KIAA1217: variants seen among roughly 807,000 people sequenced by gnomAD.
The protein encoded by KIAA1217 is KIAA1217.
A neutral mutation model predicts 163.9 loss-of-function variants in KIAA1217; 88 were observed. The ratio of observed to expected loss-of-function variants is 0.54; its 90% CI spans 0.45 to 0.64. The LOEUF (loss-of-function observed/expected upper bound fraction) is 0.64. Among genes scored for constraint, KIAA1217 ranks in the 30% least tolerant of loss-of-function variants. The pLI, the probability that KIAA1217 is intolerant of heterozygous loss-of-function variation, is 0.00. For synonymous variants in KIAA1217, 903 were observed against 923.1 expected (o/e 0.98, Z 0.39); for missense variants, 2,372 against 2,475.0 (o/e 0.96, Z 0.88).
At chr10:23,963,897 CTTTTT>C (rs59540632) in intron 1 of KIAA1217, among the ~76,000 whole-genome samples, 1 of 137,920 alleles carries the variant, frequency 7.3e-6, no homozygotes, top group Non-Finnish European at 1.6e-5. Flanking sequence ...TTTCTCTTTT[CTTTTT>C]TTTTTTTTTT....
chr10:24,391,402 G>A (rs1229478203), intron 3 of KIAA1217, among the ~76,000 whole-genome samples: 4 of 137,182 alleles, frequency 2.9e-5, no homozygotes, highest in Non-Finnish European at 4.5e-5. Flanking sequence ...CTGGAGTGCA[G>A]TGGTGTGATC....
intron 1 of KIAA1217, among the ~76,000 whole-genome samples, chr10:23,928,781 C>A (rs1843133159): frequency 6.6e-6 from 1 of 152,154 alleles, no homozygotes; most frequent in African/African-American, 2.4e-5. Flanking sequence ...TAGTAAAGAC[C>A]TTGAACACAG....
chr10:24,024,686 A>G (rs1589249895), intron 2 of KIAA1217, among the ~76,000 whole-genome samples: 1 of 151,878 alleles, frequency 6.6e-6, no homozygotes, highest in Non-Finnish European at 1.5e-5. Context: ...TCTACCAGCA[A>G]TGTATGAGAA....
intron 2 of KIAA1217, among the ~76,000 whole-genome samples, chr10:24,041,516 GCA>G (rs1293966127): frequency 3.3e-5 from 5 of 152,044 alleles, no homozygotes; most frequent in African/African-American, 7.2e-5. Flanking sequence ...TCTCTCTGAT[GCA>G]CACACATATG....
intron 2 of KIAA1217, among the ~76,000 whole-genome samples, chr10:24,047,702 A>G (rs147485483): frequency 1.3e-5 from 2 of 152,184 alleles, no homozygotes; most frequent in South Asian, 2.1e-4. Flanking sequence ...TCTATAGCAC[A>G]TGTAGATTGA....
At chr10:24,284,235 T>G (rs12259302) in intron 2 of KIAA1217, among the ~76,000 whole-genome samples, 1 of 152,030 alleles carries the variant, frequency 6.6e-6, no homozygotes, top group African/African-American at 2.4e-5. Flanking sequence ...TAAAAGAAAT[T>G]TTAATTTTAG....
intron 2 of KIAA1217, among the ~76,000 whole-genome samples, chr10:24,305,120 G>A (rs1016229837): frequency 2.0e-5 from 3 of 152,178 alleles, no homozygotes; most frequent in Admixed American, 6.5e-5. Context: ...TTAGTGTGAC[G>A]TGTGTTTATA....
At chr10:23,828,650 C>T (rs1838022118) in intron 1 of KIAA1217, among the ~76,000 whole-genome samples, 1 of 152,146 alleles carries the variant, frequency 6.6e-6, no homozygotes, top group African/African-American at 2.4e-5. Context: ...TCCTCCAATG[C>T]TCTGAGCTTT....
chr10:23,796,140 CA>C (rs2130944781), intron 1 of KIAA1217, among the ~76,000 whole-genome samples: 1 of 152,112 alleles, frequency 6.6e-6, no homozygotes, highest in African/African-American at 2.4e-5. Flanking sequence ...ACATGCCATG[CA>C]AAGATTTTAG....
At chr10:24,319,900 G>A (rs894163417) in intron 2 of KIAA1217, among the ~76,000 whole-genome samples, 8 of 152,196 alleles carry the variant, frequency 5.3e-5, no homozygotes, top group African/African-American at 7.2e-5. Flanking sequence ...CATATATCTA[G>A]CTTTGTTAAC....
chr10:24,149,076 G>T (rs926713224), intron 2 of KIAA1217, among the ~76,000 whole-genome samples: 1 of 152,152 alleles, frequency 6.6e-6, no homozygotes, highest in Non-Finnish European at 1.5e-5. Flanking sequence ...CACAGTTAAA[G>T]TTTCCTGAAT....
rs151257443 is a variant in KIAA1217, at chr10:23,740,358, G to A, written c.-321+45124G>A. Among the ~76,000 whole-genome samples the A allele has an allele frequency of 4.2e-3, 635 of 152,166 alleles. 15 individuals are homozygous for A. The highest frequency in any genetic ancestry group is 0.028 in the Admixed American group (433 of 15,276). Reference sequence around the variant, plus strand: ...GGTGTAGGTTATGTCATGTAAGCACGTATTAGATTGTTTTAGTTTTTGAAA... The same window carrying A: ...GGTGTAGGTTATGTCATGTAAGCACATATTAGATTGTTTTAGTTTTTGAAA... On this transcript the variant is annotated intron_variant, in intron 1 of 18. Coordinates refer to the KIAA1217 transcript ENST00000376462.
chr10:24,345,032 A>G (rs1478175741), intron 2 of KIAA1217, among the ~76,000 whole-genome samples: 1 of 152,222 alleles, frequency 6.6e-6, no homozygotes, highest in Non-Finnish European at 1.5e-5. Context: ...CGTTAGTTCC[A>G]CACCCCAGTC....
At chr10:24,449,305 G>C (rs543786115) in intron 5 of KIAA1217, 1 of 231,352 alleles carries the variant, frequency 4.3e-6, no homozygotes, top group Admixed American at 6.5e-5. Context: ...CTGCGTGGCT[G>C]CTTGCTTTTC....
rs374169619 is a variant in KIAA1217, at chr10:24,544,465, C to A, written c.5195C>A (p.Pro1732His). The A allele has an allele frequency of 6.2e-6, 10 of 1,611,264 alleles. No individual in the cohort carries two copies. The highest frequency in any genetic ancestry group is 2.7e-5 in the African/African-American group (2 of 74,788). ...PTALEPPTSI[P>H]SASRKGSSGA... ...GCCCTAGAGCCCCCTACGTCGATAC[C>A]TTCAGCTTCACGTAAGGTATCTTGG... Residue 1732 changes from proline (P) to histidine (H), a missense_variant, in exon 19 of 21, where the codon CCT becomes CAT. Around this residue, in one of 3 missense-constraint regions of KIAA1217, gnomAD observed 690 missense variants for 677.5 expected, o/e 1.02. Coordinates refer to ENST00000376454, the MANE Select transcript of KIAA1217 (RefSeq NM_019590.5).
chr10:23,711,417 T>A (rs2130735967), intron 1 of KIAA1217, among the ~76,000 whole-genome samples: 1 of 152,224 alleles, frequency 6.6e-6, no homozygotes, highest in East Asian at 1.9e-4. Flanking sequence ...GAGGTCAAAG[T>A]GATCCACAGG....
At chr10:24,177,883 G>A (rs1162433797) in intron 2 of KIAA1217, among the ~76,000 whole-genome samples, 1 of 152,188 alleles carries the variant, frequency 6.6e-6, no homozygotes, top group South Asian at 2.1e-4. Context: ...TTAACAAGTT[G>A]TCAGAATATT....
At chr10:23,932,153 G>A (rs911129018) in intron 1 of KIAA1217, among the ~76,000 whole-genome samples, 1 of 152,118 alleles carries the variant, frequency 6.6e-6, no homozygotes, top group African/African-American at 2.4e-5. Context: ...TGAGTCCTTG[G>A]TGCAGTCCTG....
At chr10:23,846,170 C>A (rs149763310) in intron 1 of KIAA1217, among the ~76,000 whole-genome samples, 488 of 152,196 alleles carry the variant, frequency 3.2e-3, no homozygotes, top group African/African-American at 0.011. Context: ...TAGCATGATG[C>A]CTTCAGCTTT....
Sources: allele counts gnomAD v4.1 joint callset (sites outside exome capture counted in the v4.1 genomes callset), GRCh38; gene constraint gnomAD v4.1.1; regional missense constraint gnomAD v4.1.1; transcripts MANE v1.5; gene names NCBI Gene and HGNC (gene_info 2026-07-23, HGNC 2026-07-21).